The following ZNF407 variants were observed in gnomAD, a reference collection of about 807,000 sequenced individuals.
ZNF407 encodes the protein zinc finger protein 407.
A neutral mutation model predicts 131.2 loss-of-function variants in ZNF407; 17 were observed. The ratio of observed to expected loss-of-function variants is 0.13; its 90% CI spans 0.09 to 0.19. ZNF407 has a LOEUF of 0.19. Ranked by LOEUF, ZNF407 falls within the 10% of genes least tolerant of loss-of-function variation. The pLI is 1.00. For missense variants in ZNF407, 2,681 were observed against 2,830.6 expected (o/e 0.95, Z 1.20); for synonymous variants, 1,156 against 1,062.0 (o/e 1.09, Z -1.72).
chr18:75,063,079 CAGA>C lies in ZNF407; in HGVS notation c.5429-65_5429-63del, dbSNP rs749528743. On this transcript the variant is annotated intron_variant, in intron 8 of 8. Transcript: ENST00000299687. The surrounding 1 kb of genome is among the most constrained non-coding windows in gnomAD (Gnocchi z 6.6). ...CTCTGCTGAGGCCTGAGCGCTTCTG[CAGA>C]AGAAGTGTCTTACTTGTAAGCCTAC... 1.9e-5 allele frequency: 27 copies of C among 1,412,512 alleles called. No homozygotes were observed. In the African/African-American group the frequency reaches 2.4e-4, roughly 13 times the overall value. 87.5% of individuals were successfully genotyped at this position (1,412,512 alleles called of 1,614,324 possible). A position where few individuals can be genotyped will look rare whatever the true frequency, so the allele number is the denominator to read the frequency against.
intron 7 of ZNF407, among the ~76,000 whole-genome samples, chr18:74,912,360 G>A (rs1392350705): frequency 1.3e-5 from 2 of 152,066 alleles, no homozygotes; most frequent in Non-Finnish European, 2.9e-5. Flanking sequence ...GGGCAGTTGT[G>A]ATCTGGGAGA....
At chr18:74,972,377 C>G (rs1485711010) in intron 8 of ZNF407, among the ~76,000 whole-genome samples, 1 of 152,164 alleles carries the variant, frequency 6.6e-6, no homozygotes, top group African/African-American at 2.4e-5. Flanking sequence ...AGAGGTGTTC[C>G]CCACTCCCTT....
chr18:74,943,120 A>G (rs1020080312), intron 8 of ZNF407, among the ~76,000 whole-genome samples: 1 of 151,884 alleles, frequency 6.6e-6, no homozygotes, highest in Non-Finnish European at 1.5e-5. Context: ...GTCTCACCAC[A>G]TTAGCCAGGA....
intron 8 of ZNF407, among the ~76,000 whole-genome samples, chr18:74,964,625 C>G (rs1972389566): frequency 8.0e-6 from 1 of 125,380 alleles, no homozygotes; most frequent in South Asian, 2.7e-4. Flanking sequence ...AATATTATAA[C>G]CAAACTTTTA....
At chr18:74,809,157 C>T (rs541814086) in intron 4 of ZNF407, among the ~76,000 whole-genome samples, 1 of 152,180 alleles carries the variant, frequency 6.6e-6, no homozygotes, top group Non-Finnish European at 1.5e-5. Flanking sequence ...GCATCTTCGC[C>T]ATGCAATTTT....
At chr18:74,931,800 T>C (rs929515742) in intron 8 of ZNF407, among the ~76,000 whole-genome samples, 2 of 152,240 alleles carry the variant, frequency 1.3e-5, no homozygotes, top group Non-Finnish European at 1.5e-5. Flanking sequence ...ACTAATGATG[T>C]TGAGCATCAA....
chr18:74,940,464 G>T (rs917977968), intron 8 of ZNF407, among the ~76,000 whole-genome samples: 1 of 152,108 alleles, frequency 6.6e-6, no homozygotes, highest in Non-Finnish European at 1.5e-5. Flanking sequence ...AGGAACCAGG[G>T]TTCTGTGCAG....
intron 3 of ZNF407, among the ~76,000 whole-genome samples, chr18:74,772,412 T>C (rs1051208001): frequency 6.6e-6 from 1 of 152,196 alleles, no homozygotes; most frequent in East Asian, 1.9e-4. Flanking sequence ...TATTTGTTCA[T>C]GTATATGTCA....
chr18:75,060,325 G>T (rs1260534671), intron 8 of ZNF407: 1 of 152,134 alleles, frequency 6.6e-6, no homozygotes. Context: ...AAGACGCAGT[G>T]CTTTCCTCTG....
intron 2 of ZNF407, among the ~76,000 whole-genome samples, chr18:74,637,058 A>T (rs1054664806): frequency 2.0e-5 from 3 of 152,226 alleles, no homozygotes; most frequent in African/African-American, 7.2e-5. Flanking sequence ...TGGTCAAGAC[A>T]TGTTGCTTAT....
chr18:74,912,099 A>C (rs929704429), intron 7 of ZNF407, among the ~76,000 whole-genome samples: 6 of 152,076 alleles, frequency 3.9e-5, no homozygotes, highest in African/African-American at 1.4e-4. Flanking sequence ...TTTGTTTAGA[A>C]TCTCTGTGTG....
chr18:74,791,406 G>GT (rs1350635388), intron 4 of ZNF407, among the ~76,000 whole-genome samples: 2 of 152,146 alleles, frequency 1.3e-5, no homozygotes, highest in Non-Finnish European at 2.9e-5. Flanking sequence ...ATTTAATCCA[G>GT]TTTTTTATTG....
rs770002647 is a variant in ZNF407, at chr18:74,631,055, G to A, written c.36G>A (p.Glu12=). 1.9e-6 allele frequency: 3 copies of A among 1,611,330 alleles called. No homozygotes were observed. The highest frequency in any genetic ancestry group is 1.7e-5 in the Admixed American group (1 of 59,612). Reference sequence around the variant, plus strand: ...GTGAGAATAAACCCGAAAATGATGAGGATGAAAAGATAAACAAAGAAGCAC... The same window carrying A: ...GTGAGAATAAACCCGAAAATGATGAAGATGAAAAGATAAACAAAGAAGCAC... ...MDSENKPEND[E]DEKINKEAQD... Residue 12 remains glutamate (E), a synonymous_variant, in exon 2 of 9, where the codon GAG becomes GAA. Transcript: ENST00000299687.
At chr18:75,002,582 C>G (rs896291828) in intron 8 of ZNF407, among the ~76,000 whole-genome samples, 10 of 152,104 alleles carry the variant, frequency 6.6e-5, no homozygotes, top group African/African-American at 2.4e-4. Context: ...GCGGGTGGAT[C>G]ACGAGGTCAG....
At chr18:74,931,422 C>T (rs868282960) in intron 8 of ZNF407, among the ~76,000 whole-genome samples, 3 of 152,100 alleles carry the variant, frequency 2.0e-5, no homozygotes, top group Admixed American at 6.5e-5. Context: ...CCCCCAAAGA[C>T]GATACACAAA....
intron 8 of ZNF407, among the ~76,000 whole-genome samples, chr18:75,023,058 C>T (rs1304947416): frequency 1.3e-5 from 2 of 152,036 alleles, no homozygotes; most frequent in African/African-American, 2.4e-5. Context: ...AAGCCATTAT[C>T]CTCAGCAAAC....
At chr18:74,615,062 C>T (rs1983226165) in intron 1 of ZNF407, among the ~76,000 whole-genome samples, 1 of 152,166 alleles carries the variant, frequency 6.6e-6, no homozygotes, top group Non-Finnish European at 1.5e-5. Flanking sequence ...CTGCCTCTTC[C>T]ATGCTTACTT....
chr18:74,693,139 C>T (rs1967269132), intron 3 of ZNF407, among the ~76,000 whole-genome samples: 1 of 152,236 alleles, frequency 6.6e-6, no homozygotes, highest in Admixed American at 6.5e-5. Flanking sequence ...GCTGCACTTT[C>T]CTCCGCCCAA....
Position 75,063,669 on chromosome 18 carries a change from C to A in ZNF407, c.5948C>A (p.Pro1983His), listed in dbSNP as rs1384663058. Residue 1983 changes from proline to histidine, a missense_variant, in exon 9 of 9, where the codon CCC becomes CAC. By Grantham distance (77) the Pro-to-His change is moderately conservative. Around this residue, in one of 6 missense-constraint regions of ZNF407, gnomAD observed 620 missense variants for 583.1 expected, o/e 1.06. Transcript: ENST00000299687. The surrounding 1 kb of genome is among the most constrained non-coding windows in gnomAD (Gnocchi z 6.6). ...CTCTCGGAGGCTGGAGTCGCTCCCC[C>A]CGAGGCATCCTCAGCCCTGGATGCA... ...LNLSEAGVAP[P>H]EASSALDALL... is the part of the protein sequence containing the mutation. 1.9e-6 allele frequency: 3 copies of A among 1,609,218 alleles called. No homozygotes were observed. Among genetic ancestry groups the A allele is most frequent in the South Asian group, 1.1e-5 (1 of 90,394 alleles).
Sources: allele counts gnomAD v4.1 joint callset (sites outside exome capture counted in the v4.1 genomes callset), GRCh38; gene constraint gnomAD v4.1.1; regional missense constraint gnomAD v4.1.1; non-coding constraint Gnocchi (gnomAD v3.1); transcripts MANE v1.5; gene names NCBI Gene and HGNC (gene_info 2026-07-23, HGNC 2026-07-21).